The following DNAH7 variants were observed in gnomAD, a reference collection of about 807,000 sequenced individuals.
DNAH7 encodes dynein axonemal heavy chain 7.
In DNAH7, 397 loss-of-function variants were observed where a neutral mutation model predicts 444.6. The ratio of observed to expected loss-of-function variants is 0.89; its 90% CI spans 0.82 to 0.97. The LOEUF (loss-of-function observed/expected upper bound fraction) is 0.97, where lower values mean the gene tolerates loss of function less well. Ranked by LOEUF, DNAH7 falls within the 50% of genes least tolerant of loss-of-function variation. The pLI, the probability that DNAH7 is intolerant of heterozygous loss-of-function variation, is 0.00. For missense variants in DNAH7, 4,902 were observed against 4,800.8 expected, an observed-to-expected ratio of 1.02 and a Z score of -0.62; for synonymous variants, 1,636 against 1,624.4, an observed-to-expected ratio of 1.01 and a Z score of -0.17.
At position 195,886,254 on chromosome 2, in the gene DNAH7, CG is replaced by C; in HGVS notation, c.5424del (p.Asp1809IlefsTer8). On this transcript the variant is annotated frameshift_variant, in exon 34 of 65. Coordinates refer to ENST00000312428, the MANE Select transcript of DNAH7 (RefSeq NM_018897.3). LOFTEE classifies it high-confidence loss of function. ...ATTAAGGACCGGACCAAGTTTGTAT[CG>C]GAAGTAGGAGATAATTCCTGAAAAG... ...RKHTKELSPT[S>X]DTNLVRSLMN... 1 of 1,611,016 alleles carries C rather than the reference CG, an allele frequency of 6.2e-7. No individual in the cohort carries two copies. The highest frequency in any genetic ancestry group is 8.5e-7 in the Non-Finnish European group (1 of 1,178,756).
In DNAH7 at chr2:195,960,336, A is replaced by G; in HGVS notation, c.2815T>C (p.Leu939=). ...GTTTTAATAATATGGTCATCCAACAACATCTGAATTTCATCAACTGATGCC... is the reference window on the plus strand; with the variant it reads ...GTTTTAATAATATGGTCATCCAACAGCATCTGAATTTCATCAACTGATGCC... ...ILASVDEIQM[L]LDDHIIKTQT... is the part of the protein sequence containing the mutation. Residue 939 remains leucine, a synonymous_variant, in exon 18 of 65, where the codon TTG becomes CTG. Coordinates refer to ENST00000312428, the MANE Select transcript of DNAH7 (RefSeq NM_018897.3). The G allele has an allele frequency of 6.2e-7, 1 of 1,614,000 alleles. No individual in the cohort carries two copies. Among genetic ancestry groups the G allele is most frequent in the Non-Finnish European group, 8.5e-7 (1 of 1,180,012 alleles).
At chr2:196,038,839 A>AT (rs1308265419) in intron 5 of DNAH7, among the ~76,000 whole-genome samples, 3 of 152,332 alleles carry the variant, frequency 2.0e-5, no homozygotes, top group African/African-American at 7.2e-5. Flanking sequence ...AGATCTAATT[A>AT]TAAATATATA....
chr2:195,945,561 C>G (rs1024221276), intron 19 of DNAH7, among the ~76,000 whole-genome samples: 2 of 152,140 alleles, frequency 1.3e-5, no homozygotes, highest in African/African-American at 4.8e-5. Flanking sequence ...ATCTAACTGA[C>G]AAGATCTAAT....
chr2:196,024,348 T>G, intron 8 of DNAH7, 81 bp downstream of exon 8: 1 of 879,014 alleles, frequency 1.1e-6, no homozygotes, highest in Non-Finnish European at 1.7e-6. Context: ...AAACATACAT[T>G]TGAGAAAATA....
rs140976714 is a variant in DNAH7 at position 195,990,775 on chromosome 2, T to TTGTGTG, written c.1354-2552_1354-2547dup. 8.2e-3 allele frequency among the ~76,000 whole-genome samples: 1,088 copies of TTGTGTG among 132,906 alleles called. 26 individuals are homozygous for TTGTGTG. Among genetic ancestry groups the TTGTGTG allele is most frequent in the African/African-American group, 0.029 (991 of 34,668 alleles). 87.2% of individuals were successfully genotyped at this position (132,906 alleles called of 152,430 possible). On this transcript the variant is annotated intron_variant, in intron 12 of 64. Coordinates refer to ENST00000312428, the MANE Select transcript of DNAH7 (RefSeq NM_018897.3). ...TGATGTTTAGGTTACTATAGCTTTG[T>TTGTGTG]TGTGTGTGTGTGTGTGTGTGTGTGT...
At chr2:196,032,736 GAA>G in intron 5 of DNAH7, among the ~76,000 whole-genome samples, 1 of 152,304 alleles carries the variant, frequency 6.6e-6, no homozygotes, top group South Asian at 2.1e-4. Flanking sequence ...TCAGAAAATA[GAA>G]GAGGTAAAAA....
At chr2:195,853,251 A>G (rs1030140741) in intron 46 of DNAH7, 92 bp downstream of exon 46, 12 of 1,260,118 alleles carry the variant, frequency 9.5e-6, no homozygotes, top group East Asian at 2.5e-5. Context: ...GTACTTAACA[A>G]AAAACTGAAA....
rs751396587 is a variant in DNAH7, at chr2:195,858,486, A to G, written c.8055T>C (p.Thr2685=). ...ILESALAALD[T]LTAQDITVVK... is the part of the protein sequence containing the mutation. ...GCGAAGCTCTTACCTGTGCAGTAAG[A>G]GTATCAAGGGCGGCCAGTGCTGACT... Residue 2685 remains threonine (T), a synonymous_variant, in exon 43 of 65, where the codon ACT becomes ACC. Transcript: ENST00000312428. 6.2e-7 allele frequency: 1 copy of G among 1,603,718 alleles called. No homozygotes were observed. The highest frequency in any genetic ancestry group is 1.1e-5 in the South Asian group (1 of 89,856).
At chr2:195,896,484 G>A (rs1384599505) in intron 29 of DNAH7, among the ~76,000 whole-genome samples, 1 of 151,898 alleles carries the variant, frequency 6.6e-6, no homozygotes, top group Non-Finnish European at 1.5e-5. Context: ...AGAGCTTGAG[G>A]TTTTACATTT....
At chr2:195,970,231 T>C (rs1245924927) in intron 16 of DNAH7, 137 bp from the exon 17 acceptor site, 2 of 770,296 alleles carry the variant, frequency 2.6e-6, no homozygotes, top group African/African-American at 3.6e-5. Flanking sequence ...ATCTGGAAAA[T>C]GAACGAGATC....
chr2:195,810,602 T>G (rs1025628046), intron 51 of DNAH7, among the ~76,000 whole-genome samples: 1 of 151,290 alleles, frequency 6.6e-6, no homozygotes, highest in African/African-American at 2.4e-5. Flanking sequence ...CTAACTGATA[T>G]TCTAAGCTGT....
chr2:195,994,935 T>C lies in DNAH7; in HGVS notation c.1353+5769A>G, dbSNP rs574127322. On this transcript the variant is annotated intron_variant, in intron 12 of 64. Transcript: ENST00000312428. ...GACTGTAGCCCACTGGATGTTTTCC[T>C]TCTTCCTTTTCTTTAGACAGAGTCT... The C allele has an allele frequency of 3.4e-5, 10 of 295,190 alleles. No homozygotes were observed. The East Asian group carries it at 8.5e-4, about 25-fold the overall frequency. 18.3% of individuals were successfully genotyped at this position (295,190 alleles called of 1,614,324 possible). A position where few individuals can be genotyped will look rare whatever the true frequency, so the allele number is the denominator to read the frequency against.
intron 5 of DNAH7, among the ~76,000 whole-genome samples, chr2:196,033,711 T>C (rs369782402): frequency 3.9e-4 from 60 of 152,298 alleles, no homozygotes; most frequent in African/African-American, 1.4e-3. Flanking sequence ...GTCAGGTTGA[T>C]TACATAACTC....
chr2:195,962,237 T>C (rs1255523408), intron 17 of DNAH7, among the ~76,000 whole-genome samples: 4 of 152,262 alleles, frequency 2.6e-5, no homozygotes, highest in Admixed American at 6.5e-5. Flanking sequence ...TATATACTTA[T>C]GGTGTACATG....
rs753867919 is a variant in DNAH7, at chr2:195,796,638, C to A, written c.10453G>T (p.Val3485Phe). 1.9e-6 allele frequency: 3 copies of A among 1,612,174 alleles called. No individual in the cohort carries two copies. In the African/African-American group the frequency reaches 4.0e-5, roughly 22 times the overall value. Residue 3485 changes from valine to phenylalanine, a missense_variant, in exon 56 of 65, where the codon GTT becomes TTT. By Grantham distance (50) the Val-to-Phe change is conservative. Transcript: ENST00000312428. The part of the protein sequence containing the change: ...LEKAVKEGTW[V>F]VLQNCHLATS... ...GCAAGGTGACAATTCTGAAGAACAA[C>A]CCATGTTCCTTCCTTGACAGCTTTT...
intron 47 of DNAH7, among the ~76,000 whole-genome samples, chr2:195,840,052 C>T (rs1467491144): frequency 6.6e-6 from 1 of 151,630 alleles, no homozygotes; most frequent in Admixed American, 6.6e-5. Context: ...ACAGACATTA[C>T]AACAAAATAA....
chr2:195,794,285 G>A, intron 57 of DNAH7, 53 bp downstream of exon 57: 1 of 1,559,150 alleles, frequency 6.4e-7, no homozygotes, highest in South Asian at 1.1e-5. Context: ...ATCACCAGGG[G>A]CCACTTGAAG....
chr2:195,788,980 T>C (rs1214564914), intron 57 of DNAH7, among the ~76,000 whole-genome samples: 1 of 152,180 alleles, frequency 6.6e-6, no homozygotes, highest in African/African-American at 2.4e-5. Context: ...AGACAGATAA[T>C]GCAGTAGCAA....
At chr2:195,793,853 G>A (rs971388051) in intron 57 of DNAH7, among the ~76,000 whole-genome samples, 13 of 152,144 alleles carry the variant, frequency 8.5e-5, no homozygotes, top group Non-Finnish European at 8.8e-5. Context: ...AATCATGAAA[G>A]CAGTGGGTGG....
Sources: gnomAD v4.1 joint callset for allele counts (sites outside exome capture counted in the v4.1 genomes callset) on GRCh38, gnomAD v4.1.1 for gene constraint, MANE v1.5 for transcripts, NCBI Gene and HGNC (gene_info 2026-07-23, HGNC 2026-07-21) for gene names.